Variants in ANKRD30A observed in about 807,000 individuals in gnomAD.
ANKRD30A encodes ankyrin repeat domain 30A.
In ANKRD30A, 170 loss-of-function variants were observed where a neutral mutation model predicts 166.3. The observed-to-expected ratio is 1.02, with a 90% CI of 0.90 to 1.16. The LOEUF (loss-of-function observed/expected upper bound fraction) is 1.16, where lower values mean the gene tolerates loss of function less well. ANKRD30A is among the 50% of genes most tolerant of loss of function. The pLI is 0.00. For missense variants in ANKRD30A, 1,630 were observed against 1,518.0 expected (o/e 1.07, Z -1.23); for synonymous variants, 564 against 508.9 (o/e 1.11, Z -1.46).
intron 34 of ANKRD30A, 133 bp downstream of exon 34, chr10:37,220,030 A>ATATAG (rs1842830942): frequency 1.2e-4 from 17 of 147,472 alleles, no homozygotes; most frequent in Non-Finnish European, 2.0e-4. Flanking sequence ...TATATATATA[A>ATATAG]TATATGTATG....
downstream of ANKRD30A, among the ~76,000 whole-genome samples, chr10:37,235,311 G>C (rs979804109): frequency 1.3e-5 from 2 of 152,088 alleles, no homozygotes; most frequent in Non-Finnish European, 2.9e-5. Flanking sequence ...GGTCAATTAA[G>C]TGTTGCCCAG....
intron 11 of ANKRD30A, among the ~76,000 whole-genome samples, chr10:37,150,945 C>T (rs1445736242): frequency 6.6e-6 from 1 of 151,426 alleles, no homozygotes; most frequent in Admixed American, 6.6e-5. Context: ...TGTGGCAACA[C>T]GTTAGATCTC....
rs1840181340 is a variant in ANKRD30A, at chr10:37,183,549, A to G, written c.2422-5918A>G. ...ATCAAACAAAATCAAAATTTTGTTT[A>G]TAATGAAAAGAGTTGGTTACAGATT... On this transcript the variant is annotated intron_variant, in intron 24 of 35. Transcript: ENST00000361713. Among the ~76,000 whole-genome samples the G allele has an allele frequency of 1.4e-5, 2 of 147,048 alleles. 1 individual carries two copies. Among genetic ancestry groups the G allele is most frequent in the African/African-American group, 5.0e-5 (2 of 40,310 alleles).
rs1837144926 is a variant in ANKRD30A, at chr10:37,141,808, A to C, written c.911A>C (p.Asp304Ala). 2 of 1,612,402 alleles carry C rather than the reference A, an allele frequency of 1.2e-6. No individual in the cohort carries two copies. Among genetic ancestry groups the C allele is most frequent in the Non-Finnish European group, 1.7e-6 (2 of 1,179,518 alleles). The change falls in exon 7 of 36, where the codon GAT becomes GCT. Residue 304 changes from aspartate (D) to alanine (A), a missense_variant. Physicochemically the swap from Asp to Ala is moderately radical, Grantham distance 126 (BLOSUM62 -2). Around this residue, in one of 4 missense-constraint regions of ANKRD30A, gnomAD observed 904 missense variants for 818.5 expected, o/e 1.10. Transcript: ENST00000361713. ...GAAAGCTTGGTGGAAAAAACACCTGATGAGGCTGCACCCTTGGTGGAAAGA... is the reference window on the plus strand; with the variant it reads ...GAAAGCTTGGTGGAAAAAACACCTGCTGAGGCTGCACCCTTGGTGGAAAGA... ...TAESLVEKTP[D>A]EAAPLVERTP...
chr10:37,192,151 C>T (rs1222259875), intron 25 of ANKRD30A, among the ~76,000 whole-genome samples: 1 of 151,980 alleles, frequency 6.6e-6, no homozygotes, highest in Non-Finnish European at 1.5e-5. Context: ...ATTCTGGCAC[C>T]TCAGGCACCC....
intron 31 of ANKRD30A, among the ~76,000 whole-genome samples, chr10:37,215,916 A>T (rs530453528): frequency 1.3e-5 from 2 of 151,284 alleles, no homozygotes; most frequent in East Asian, 3.9e-4. Context: ...TATATATCTT[A>T]TTCTTAGCAA....
intron 33 of ANKRD30A, 132 bp downstream of exon 33, chr10:37,218,010 C>A: frequency 3.6e-6 from 2 of 556,812 alleles, no homozygotes; most frequent in Non-Finnish European, 5.7e-6. Flanking sequence ...AATTAACTAT[C>A]ACATTTGTAG....
At chr10:37,252,325 A>G in the ANKRD30A span, among the ~76,000 whole-genome samples, 1 of 152,232 alleles carries the variant, frequency 6.6e-6, no homozygotes, top group Admixed American at 6.5e-5. Context: ...GAATTAAGCA[A>G]CTAGGCCTTT....
intron 11 of ANKRD30A, among the ~76,000 whole-genome samples, 178 bp downstream of exon 11, chr10:37,150,027 A>G (rs1373819521): frequency 6.6e-6 from 1 of 152,062 alleles, no homozygotes; most frequent in Non-Finnish European, 1.5e-5. Context: ...AATTTTTAAT[A>G]TATTTTTTAA....
intron 27 of ANKRD30A, among the ~76,000 whole-genome samples, chr10:37,193,806 G>C (rs1282546699): frequency 6.6e-6 from 1 of 152,134 alleles, no homozygotes; most frequent in East Asian, 1.9e-4. Context: ...CAAAGCATTT[G>C]GCCTTGGTGT....
chr10:37,241,966 A>G, the ANKRD30A span: 1 of 152,222 alleles, frequency 6.6e-6, no homozygotes, highest in Non-Finnish European at 1.5e-5. Flanking sequence ...CCTACAAGTC[A>G]GGACATTCTA....
At chr10:37,132,793 T>A (rs530954488) in intron 4 of ANKRD30A, among the ~76,000 whole-genome samples, 1 of 152,050 alleles carries the variant, frequency 6.6e-6, no homozygotes, top group East Asian at 1.9e-4. Context: ...AGGCCAGGAG[T>A]TTGAGACCAG....
chr10:37,202,510 C>T (rs1483851822), intron 31 of ANKRD30A, among the ~76,000 whole-genome samples: 2 of 152,136 alleles, frequency 1.3e-5, no homozygotes, highest in African/African-American at 4.8e-5. Context: ...AAATTTATAG[C>T]ACTAAATGCC....
intron 15 of ANKRD30A, among the ~76,000 whole-genome samples, chr10:37,160,382 T>G (rs1234083403): frequency 6.6e-6 from 1 of 152,188 alleles, no homozygotes; most frequent in Non-Finnish European, 1.5e-5. Context: ...CTGAAAAATT[T>G]TAGTTTACAC....
At chr10:37,246,971 A>G in the ANKRD30A span, among the ~76,000 whole-genome samples, 2 of 152,196 alleles carry the variant, frequency 1.3e-5, no homozygotes, top group South Asian at 4.1e-4. Context: ...CTGTGATTTT[A>G]GCTCTTTGGG....
intron 18 of ANKRD30A, among the ~76,000 whole-genome samples, chr10:37,166,169 A>T (rs1839319332): frequency 6.6e-6 from 1 of 152,152 alleles, no homozygotes; most frequent in African/African-American, 2.4e-5. Context: ...ATGATTTTTA[A>T]CACTAAACAG....
At chr10:37,165,207 C>A in intron 18 of ANKRD30A, 52 bp downstream of exon 18, 3 of 1,499,272 alleles carry the variant, frequency 2.0e-6, no homozygotes, top group Non-Finnish European at 2.8e-6. Flanking sequence ...GATATGAAAA[C>A]ATAAAATCAG....
intron 24 of ANKRD30A, among the ~76,000 whole-genome samples, chr10:37,179,005 A>C (rs1486063948): frequency 7.5e-6 from 1 of 133,044 alleles, no homozygotes; most frequent in African/African-American, 2.8e-5. Context: ...TATTACTATG[A>C]GGCGTCAAAT....
At chr10:37,200,893 GA>G (rs1392664618) in intron 30 of ANKRD30A, among the ~76,000 whole-genome samples, 1 of 151,960 alleles carries the variant, frequency 6.6e-6, no homozygotes, top group African/African-American at 2.4e-5. Context: ...TATTTTGTTT[GA>G]AATGTCATAT....
Sources: gnomAD v4.1 joint callset for allele counts (sites outside exome capture counted in the v4.1 genomes callset) on GRCh38, gnomAD v4.1.1 for gene constraint, gnomAD v4.1.1 regional missense constraint, MANE v1.5 for transcripts, NCBI Gene and HGNC (gene_info 2026-07-23, HGNC 2026-07-21) for gene names.